The following RABGAP1 variants were observed in gnomAD, a reference collection of about 807,000 sequenced individuals.
The protein encoded by RABGAP1 is rab GTPase-activating protein 1.
A neutral mutation model predicts 137.6 loss-of-function variants in RABGAP1; 23 were observed. That is an observed-to-expected ratio of 0.17 (90% CI 0.12 to 0.24). The LOEUF (loss-of-function observed/expected upper bound fraction) is 0.24. RABGAP1 is among the 10% of genes least tolerant of loss of function. The pLI is 1.00. For missense variants in RABGAP1, 906 were observed against 1,275.8 expected (o/e 0.71, Z 4.42); for synonymous variants, 451 against 450.7 (o/e 1.00, Z -0.01).
At chr9:123,085,180 A>G (rs558025359) in intron 19 of RABGAP1, among the ~76,000 whole-genome samples, 1 of 152,354 alleles carries the variant, frequency 6.6e-6, no homozygotes, top group African/African-American at 2.4e-5. Flanking sequence ...GCTTCTATCA[A>G]AATAACAAAC....
At position 122,999,714 on chromosome 9, in the gene RABGAP1, AT is replaced by A. The variant is rs911583030; in HGVS notation, c.1374+961del. On this transcript the variant is annotated intron_variant, in intron 10 of 25. Transcript: ENST00000373647. ...TTATGCTTTTACTTTTAATTTTTAA[AT>A]TTTTTTTTTTTTAACCAGATTTGGG... Among the ~76,000 whole-genome samples the A allele has an allele frequency of 7.3e-3, 1,047 of 144,084 alleles. 14 individuals carry two copies. The highest frequency in any genetic ancestry group is 8.1e-3 in the Non-Finnish European group (532 of 65,306). 94.5% of individuals were successfully genotyped at this position (144,084 alleles called of 152,430 possible).
chr9:123,003,729 G>T (rs546575258), intron 10 of RABGAP1, among the ~76,000 whole-genome samples: 2 of 152,258 alleles, frequency 1.3e-5, no homozygotes, highest in South Asian at 4.1e-4. Context: ...CTAAACATTA[G>T]TAGGGACAGG....
chr9:123,006,962 C>T (rs2030334059), intron 10 of RABGAP1, among the ~76,000 whole-genome samples: 1 of 152,002 alleles, frequency 6.6e-6, no homozygotes, highest in Non-Finnish European at 1.5e-5. Flanking sequence ...CTTCCCTCCT[C>T]AAATACTCCT....
chr9:122,956,939 G>A (rs947443019), intron 1 of RABGAP1, 72 bp from the exon 2 acceptor site: 3 of 781,432 alleles, frequency 3.8e-6, no homozygotes, highest in Non-Finnish European at 5.3e-6. Context: ...AATATGTTGT[G>A]TAAGAAGTAC....
chr9:123,055,255 G>A (rs2033643676), intron 13 of RABGAP1, among the ~76,000 whole-genome samples: 1 of 152,110 alleles, frequency 6.6e-6, no homozygotes, highest in African/African-American at 2.4e-5. Flanking sequence ...GCAATGGCAC[G>A]ATCACAGCTC....
chr9:122,990,156 T>A lies in RABGAP1; in HGVS notation c.866T>A (p.Ile289Asn). 6.2e-7 allele frequency: 1 copy of A among 1,612,064 alleles called. No homozygotes were observed. ...GCACCCCAGACTCCTGACAGTGACA[T>A]CTTTACCTTCTCTGTGTCTTTAGAA... ...TAAPQTPDSD[I>N]FTFSVSLEIK... is the part of the protein sequence containing the mutation. Residue 289 changes from isoleucine (I) to asparagine (N), a missense_variant, in exon 6 of 26, where the codon ATC becomes AAC. Coordinates refer to ENST00000373647, the MANE Select transcript of RABGAP1 (RefSeq NM_012197.4).
chr9:122,988,596 G>GT (rs1041310452), intron 4 of RABGAP1, among the ~76,000 whole-genome samples: 1 of 150,756 alleles, frequency 6.6e-6, no homozygotes, highest in African/African-American at 2.4e-5. Context: ...AAAAGCATCA[G>GT]TTTTTTGTTT....
intron 2 of RABGAP1, among the ~76,000 whole-genome samples, chr9:122,983,548 C>T (rs1431141171): frequency 6.6e-6 from 1 of 152,182 alleles, no homozygotes; most frequent in South Asian, 2.1e-4. Context: ...GTACCTACCT[C>T]TGTTATTGGA....
rs2132121015 is a variant in RABGAP1 at position 123,065,368 on chromosome 9, T to C, written c.1815T>C (p.Ala605=). The change falls in exon 14 of 26, where the codon GCT becomes GCC. Residue 605 remains alanine (A), a synonymous_variant. Transcript: ENST00000373647. Reference sequence around the variant, plus strand: ...CACAGGAGTCTCCCCAGGACAGTGCTATCACCCGGGATATTAACCGAACAT... The same window carrying C: ...CACAGGAGTCTCCCCAGGACAGTGCCATCACCCGGGATATTAACCGAACAT... The part of the protein sequence containing the change: ...LITKESPQDS[A]ITRDINRTFP... 6.2e-7 allele frequency: 1 copy of C among 1,612,312 alleles called. No individual in the cohort carries two copies.
intron 13 of RABGAP1, among the ~76,000 whole-genome samples, chr9:123,060,118 G>C (rs1196850964): frequency 1.3e-5 from 2 of 152,192 alleles, no homozygotes; most frequent in Non-Finnish European, 2.9e-5. Flanking sequence ...GGAGGGAGGT[G>C]GGGAATGTGA....
intron 1 of RABGAP1, among the ~76,000 whole-genome samples, chr9:122,943,072 CTTTTTTTTTTTTTTTTTT>C (rs10582436): frequency 4.0e-4 from 47 of 116,176 alleles, no homozygotes; most frequent in African/African-American, 1.9e-3. Context: ...GGTGCACTTT[CTTTTTTTTTTTTTTTTTT>C]TTTTTTTTTT....
At chr9:123,020,767 T>A (rs2031577734) in intron 13 of RABGAP1, 1 of 365,694 alleles carries the variant, frequency 2.7e-6, no homozygotes, top group African/African-American at 2.2e-5. Context: ...AATTTTCTTT[T>A]GATTATTTTA....
At chr9:123,064,690 G>A (rs543220335) in intron 13 of RABGAP1, among the ~76,000 whole-genome samples, 2 of 152,322 alleles carry the variant, frequency 1.3e-5, no homozygotes, top group African/African-American at 4.8e-5. Context: ...GGTGCTTGGT[G>A]TATTTTACAA....
intron 2 of RABGAP1, among the ~76,000 whole-genome samples, chr9:122,972,371 G>A (rs1316589351): frequency 6.6e-6 from 1 of 152,188 alleles, no homozygotes; most frequent in Non-Finnish European, 1.5e-5. Flanking sequence ...GTTGGTTTTT[G>A]CCAATCTTGC....
At chr9:122,967,080 C>T (rs1835198844) in intron 2 of RABGAP1, among the ~76,000 whole-genome samples, 1 of 152,122 alleles carries the variant, frequency 6.6e-6, no homozygotes, top group Non-Finnish European at 1.5e-5. Flanking sequence ...ACTAGGAGAG[C>T]AGAATTCCTT....
intron 19 of RABGAP1, among the ~76,000 whole-genome samples, chr9:123,084,447 C>T (rs1276141578): frequency 6.6e-6 from 1 of 152,216 alleles, no homozygotes; most frequent in Non-Finnish European, 1.5e-5. Flanking sequence ...ACATGCTTCT[C>T]TCTCGCCATG....
chr9:123,010,562 G>T (rs2030716941), intron 11 of RABGAP1, 34 bp downstream of exon 11: 4 of 1,578,990 alleles, frequency 2.5e-6, no homozygotes, highest in Admixed American at 1.7e-5. Context: ...TTATTTTTGG[G>T]GGTGGAAGAC....
chr9:123,095,503 C>G (rs2035155986), intron 21 of RABGAP1, among the ~76,000 whole-genome samples: 1 of 152,022 alleles, frequency 6.6e-6, no homozygotes, highest in Admixed American at 6.6e-5. Flanking sequence ...AGTTCAAGAC[C>G]AGCCTGGGCA....
At chr9:123,095,226 C>CAAA (rs55675466) in intron 21 of RABGAP1, among the ~76,000 whole-genome samples, 15 of 61,242 alleles carry the variant, frequency 2.4e-4, no homozygotes, top group African/African-American at 7.5e-4. Context: ...AACCTTGTCC[C>CAAA]AAAAAAAAAA....
Sources: gnomAD v4.1 joint callset for allele counts (sites outside exome capture counted in the v4.1 genomes callset) on GRCh38, gnomAD v4.1.1 for gene constraint, MANE v1.5 for transcripts, NCBI Gene and HGNC (gene_info 2026-07-23, HGNC 2026-07-21) for gene names.